The following CCDC171 variants were observed in gnomAD, a reference collection of about 807,000 sequenced individuals.
CCDC171 encodes the protein coiled-coil domain-containing protein 171.
Under a neutral mutation model 168.2 loss-of-function variants are expected in CCDC171, and 177 were observed. That is an observed-to-expected ratio of 1.05 (90% CI 0.93 to 1.19). CCDC171 has a LOEUF of 1.19. Among genes scored for constraint, CCDC171 ranks in the 50% most tolerant of loss-of-function variants. The pLI, the probability that CCDC171 is intolerant of heterozygous loss-of-function variation, is 0.00. For missense variants in CCDC171, 1,991 were observed against 1,539.0 expected (o/e 1.29, Z -4.91); for synonymous variants, 687 against 540.8 (o/e 1.27, Z -3.75).
chr9:15,666,241 A>G lies in CCDC171; in HGVS notation c.994A>G (p.Ile332Val), dbSNP rs1241037077. 1.2e-6 allele frequency: 2 copies of G among 1,613,978 alleles called. No individual in the cohort carries two copies. Among genetic ancestry groups the G allele is most frequent in the South Asian group, 1.1e-5 (1 of 91,068 alleles). ...QAEAVADLEI[I>V]KNEFKEVESA... ...AGAAGCTGTTGCTGATTTGGAAATT[A>G]TCAAGAATGAATTCAAAGAAGTTGA... The change falls in exon 9 of 26, where the codon ATC becomes GTC. Residue 332 changes from isoleucine (I) to valine (V), a missense_variant. By Grantham distance (29) the Ile-to-Val change is conservative. Coordinates refer to ENST00000380701, the MANE Select transcript of CCDC171 (RefSeq NM_173550.4).
chr9:15,557,096 C>A (rs2038870118), intron 1 of CCDC171, among the ~76,000 whole-genome samples: 1 of 152,112 alleles, frequency 6.6e-6, no homozygotes, highest in African/African-American at 2.4e-5. Flanking sequence ...TTCCATTGGT[C>A]TATATATCTG....
chr9:15,944,372 T>C (rs1342407323), intron 25 of CCDC171, among the ~76,000 whole-genome samples: 2 of 152,122 alleles, frequency 1.3e-5, no homozygotes, highest in East Asian at 1.9e-4. Context: ...CTTGTCGATA[T>C]ATAGTTTTTG....
intron 6 of CCDC171, among the ~76,000 whole-genome samples, chr9:15,621,686 G>A (rs2044518958): frequency 6.6e-6 from 1 of 152,214 alleles, no homozygotes; most frequent in Non-Finnish European, 1.5e-5. Context: ...TGGCAGGAAT[G>A]TAAGTTCATT....
intron 24 of CCDC171, among the ~76,000 whole-genome samples, chr9:15,890,551 C>G (rs1003821658): frequency 2.7e-5 from 4 of 149,110 alleles, no homozygotes; most frequent in African/African-American, 9.9e-5. Flanking sequence ...TTTGCAGCTA[C>G]TGAAACTCTG....
chr9:15,561,707 G>T (rs1467547381), intron 1 of CCDC171, among the ~76,000 whole-genome samples: 1 of 152,064 alleles, frequency 6.6e-6, no homozygotes, highest in African/African-American at 2.4e-5. Context: ...TTCATATTCA[G>T]CCACTGACCG....
chr9:16,029,020 C>T (rs1227209231), intron 6 of CCDC171, among the ~76,000 whole-genome samples: 6 of 152,102 alleles, frequency 3.9e-5, no homozygotes, highest in Non-Finnish European at 5.9e-5. Flanking sequence ...AGAGCCCCCT[C>T]TTGGCCTCTT....
At chr9:15,675,192 T>G (rs2049440243) in intron 9 of CCDC171, among the ~76,000 whole-genome samples, 1 of 143,978 alleles carries the variant, frequency 6.9e-6, no homozygotes, top group African/African-American at 2.5e-5. Flanking sequence ...CTCCTGTTTT[T>G]TTTTTTTTTT....
chr9:15,760,045 A>G (rs1309723443), intron 18 of CCDC171, among the ~76,000 whole-genome samples: 1 of 152,196 alleles, frequency 6.6e-6, no homozygotes, highest in East Asian at 1.9e-4. Context: ...TCTATTTAGT[A>G]AGTATTCTGA....
chr9:15,696,983 C>T (rs1275359873), intron 11 of CCDC171, among the ~76,000 whole-genome samples: 1 of 152,086 alleles, frequency 6.6e-6, no homozygotes, highest in East Asian at 1.9e-4. Context: ...TGATTTTTCT[C>T]TCCTTTACAC....
rs527839921 is a variant in CCDC171, at chr9:15,597,017, G to A, written c.675+2845G>A. ...TTTTGTATCCTGAGACTTTGCTGAA[G>A]TTGCTTATCAGCTTAAGGAGATTTT... is the stretch of plus-strand genomic sequence containing the variant. On this transcript the variant is annotated intron_variant, in intron 6 of 25. Coordinates refer to ENST00000380701, the MANE Select transcript of CCDC171 (RefSeq NM_173550.4). Among the ~76,000 whole-genome samples, 998 of 152,242 alleles carry A rather than the reference G, an allele frequency of 6.6e-3. 20 individuals are homozygous for A. Among genetic ancestry groups the A allele is most frequent in the African/African-American group, 0.023 (943 of 41,526 alleles).
At chr9:15,578,816 G>A (rs1479388672) in intron 3 of CCDC171, 33 bp from the exon 4 acceptor site, 15 of 1,572,510 alleles carry the variant, frequency 9.5e-6, no homozygotes, top group Non-Finnish European at 1.2e-5. Flanking sequence ...CATAATCTTT[G>A]GACACATGTT....
intron 4 of CCDC171, among the ~76,000 whole-genome samples, chr9:15,585,540 T>C (rs1336573379): frequency 1.3e-5 from 2 of 152,112 alleles, no homozygotes; most frequent in Admixed American, 1.3e-4. Flanking sequence ...AAGCTAATCA[T>C]TGGTGAAAAA....
chr9:16,012,914 C>A (rs557959166), intron 3 of CCDC171, among the ~76,000 whole-genome samples: 4 of 152,140 alleles, frequency 2.6e-5, no homozygotes, highest in Admixed American at 2.0e-4. Context: ...AATGCTTAAA[C>A]GTATAGGTCT....
intron 25 of CCDC171, among the ~76,000 whole-genome samples, chr9:15,952,977 T>C (rs1829379244): frequency 6.6e-6 from 1 of 152,178 alleles, no homozygotes; most frequent in Non-Finnish European, 1.5e-5. Context: ...TTGCTTTTCA[T>C]ATCATTTATT....
At chr9:15,794,202 C>T (rs1171230841) in intron 21 of CCDC171, among the ~76,000 whole-genome samples, 2 of 152,204 alleles carry the variant, frequency 1.3e-5, no homozygotes, top group African/African-American at 2.4e-5. Context: ...TAGTGGCTCA[C>T]GTCTGTAATC....
At chr9:15,993,510 G>T (rs12004701) in intron 3 of CCDC171, among the ~76,000 whole-genome samples, 11,627 of 152,026 alleles carry the variant, frequency 0.076, 1,456 homozygotes, top group African/African-American at 0.27. Context: ...AACCTAGGCA[G>T]TACCATTCAG....
At chr9:15,767,395 C>T (rs2056780223) in intron 18 of CCDC171, among the ~76,000 whole-genome samples, 3 of 152,180 alleles carry the variant, frequency 2.0e-5, no homozygotes, top group African/African-American at 7.2e-5. Flanking sequence ...ACTCTGACCT[C>T]TTCTTCTGTG....
intron 11 of CCDC171, among the ~76,000 whole-genome samples, chr9:15,706,210 A>G (rs971363153): frequency 4.6e-5 from 7 of 150,926 alleles, no homozygotes; most frequent in Non-Finnish European, 8.9e-5. Flanking sequence ...CTTTGAACCC[A>G]TGTAGTCTTC....
At chr9:16,059,142 A>G (rs1394150457) in intron 1 of CCDC171, among the ~76,000 whole-genome samples, 1 of 152,198 alleles carries the variant, frequency 6.6e-6, no homozygotes, top group Non-Finnish European at 1.5e-5. Flanking sequence ...TTCTTGGGTC[A>G]TTTTTGATCT....
Sources: allele counts gnomAD v4.1 joint callset (sites outside exome capture counted in the v4.1 genomes callset), GRCh38; gene constraint gnomAD v4.1.1; transcripts MANE v1.5; gene names NCBI Gene and HGNC (gene_info 2026-07-23, HGNC 2026-07-21).